The following PDE10A variants were observed in gnomAD, a reference collection of about 807,000 sequenced individuals.
The protein encoded by PDE10A is cAMP and cAMP-inhibited cGMP 3',5'-cyclic phosphodiesterase 10A.
A neutral mutation model predicts 97.7 loss-of-function variants in PDE10A; 39 were observed. The observed-to-expected ratio is 0.40, with a 90% confidence interval of 0.31 to 0.52. The LOEUF (loss-of-function observed/expected upper bound fraction) is 0.52, where lower values mean the gene tolerates loss of function less well. PDE10A is among the 20% of genes least tolerant of loss of function. PDE10A has a pLI of 0.56. For synonymous variants in PDE10A, 371 were observed against 376.8 expected (o/e 0.98, Z 0.18); for missense variants, 731 against 1,047.8 (o/e 0.70, Z 4.17).
chr6:165,943,175 AAAAGAAAG>A (rs1210872117), intron 1 of PDE10A, among the ~76,000 whole-genome samples: 1,158 of 68,308 alleles, frequency 0.017, 55 homozygotes, highest in East Asian at 0.038. Context: ...AAAGAAAGAA[AAAAGAAAG>A]AAAGAAAGAA....
intron 2 of PDE10A, among the ~76,000 whole-genome samples, chr6:165,488,686 T>G (rs1218966477): frequency 2.0e-5 from 3 of 152,084 alleles, no homozygotes; most frequent in African/African-American, 7.2e-5. Flanking sequence ...TGGAGGCTTG[T>G]ACCCTGGGGC....
chr6:165,647,018 C>T (rs1789431012), intron 1 of PDE10A, among the ~76,000 whole-genome samples: 2 of 152,180 alleles, frequency 1.3e-5, no homozygotes, highest in South Asian at 4.1e-4. Context: ...TGACACACAG[C>T]ACTCTCAAAA....
At chr6:165,482,977 G>A (rs1779692726) in intron 2 of PDE10A, among the ~76,000 whole-genome samples, 1 of 152,200 alleles carries the variant, frequency 6.6e-6, no homozygotes, top group South Asian at 2.1e-4. Flanking sequence ...TCCCACTGGG[G>A]CTGGCTACAG....
chr6:165,601,200 G>A, intron 1 of PDE10A, among the ~76,000 whole-genome samples: 1 of 152,182 alleles, frequency 6.6e-6, no homozygotes, highest in Non-Finnish European at 1.5e-5. Context: ...CACCATGTAA[G>A]AAGTGTCTTT....
At chr6:165,607,384 A>AAG (rs1787263166) in intron 1 of PDE10A, among the ~76,000 whole-genome samples, 1 of 152,244 alleles carries the variant, frequency 6.6e-6, no homozygotes, top group Non-Finnish European at 1.5e-5. Flanking sequence ...CTAATGGTAT[A>AAG]GCACAACACA....
intron 1 of PDE10A, among the ~76,000 whole-genome samples, chr6:165,708,461 A>G (rs770906833): frequency 6.6e-6 from 1 of 151,826 alleles, no homozygotes; most frequent in Non-Finnish European, 1.5e-5. Context: ...AGAACCCTGC[A>G]TTTCATGTCC....
At chr6:165,959,799 G>A (rs779103045) in intron 1 of PDE10A, among the ~76,000 whole-genome samples, 1 of 152,014 alleles carries the variant, frequency 6.6e-6, no homozygotes, top group Non-Finnish European at 1.5e-5. Flanking sequence ...GAGAGATCTC[G>A]CCTGGGGAGG....
At chr6:165,338,070 G>A (rs532263309) in intron 20 of PDE10A, among the ~76,000 whole-genome samples, 31 of 152,242 alleles carry the variant, frequency 2.0e-4, no homozygotes, top group African/African-American at 5.3e-4. Context: ...GGTAAAATGC[G>A]ACAAAAACTT....
rs139708400 is a variant in PDE10A, at chr6:165,721,594, G to A, written c.-614-178026C>T. ...AATGAAAAGGCAATTGAATCCAGAT[G>A]CTTTTTCTGGTAAACAGTTCCTTTG... On this transcript the variant is annotated intron_variant, in intron 1 of 19. Coordinates refer to the PDE10A transcript ENST00000366882. Among the ~76,000 whole-genome samples the A allele has an allele frequency of 1.7e-3, 257 of 152,292 alleles. 1 individual carries two copies. Among genetic ancestry groups the A allele is most frequent in the African/African-American group, 5.9e-3 (246 of 41,560 alleles).
chr6:165,376,448 T>G (rs1784607166), intron 18 of PDE10A, among the ~76,000 whole-genome samples: 2 of 152,244 alleles, frequency 1.3e-5, no homozygotes, highest in South Asian at 4.1e-4. Flanking sequence ...GAATATTCCA[T>G]AAACTTGTTT....
At chr6:165,454,720 T>A (rs1200234507) in intron 3 of PDE10A, among the ~76,000 whole-genome samples, 1 of 152,194 alleles carries the variant, frequency 6.6e-6, no homozygotes, top group East Asian at 1.9e-4. Context: ...TTTATTTTAT[T>A]TATAAATTTC....
chr6:165,952,793 C>T (rs1298735177), intron 1 of PDE10A, among the ~76,000 whole-genome samples: 2 of 152,014 alleles, frequency 1.3e-5, no homozygotes, highest in Non-Finnish European at 2.9e-5. Context: ...ACACTGGGCT[C>T]CATCCACTTT....
At chr6:165,395,064 T>C (rs1286819484) in intron 15 of PDE10A, 117 bp downstream of exon 15, 3 of 602,028 alleles carry the variant, frequency 5.0e-6, no homozygotes, top group South Asian at 2.3e-5. Context: ...AAGTAATTTA[T>C]ACATGCAGTA....
At chr6:165,514,697 T>A (rs1781692046) in intron 2 of PDE10A, among the ~76,000 whole-genome samples, 1 of 152,172 alleles carries the variant, frequency 6.6e-6, no homozygotes, top group Non-Finnish European at 1.5e-5. Context: ...TGACTCCAAG[T>A]TGAGTGAGTC....
intron 1 of PDE10A, among the ~76,000 whole-genome samples, chr6:165,552,678 T>G (rs1244034041): frequency 6.6e-6 from 1 of 152,162 alleles, no homozygotes; most frequent in African/African-American, 2.4e-5. Context: ...TTTCACCCAG[T>G]GCACCTCTTC....
chr6:165,578,521 CA>C (rs1422938106), intron 1 of PDE10A, among the ~76,000 whole-genome samples: 1 of 152,094 alleles, frequency 6.6e-6, no homozygotes, highest in Non-Finnish European at 1.5e-5. Flanking sequence ...AGATGAAAAA[CA>C]GAGTATGGAA....
intron 1 of PDE10A, among the ~76,000 whole-genome samples, chr6:165,575,658 A>G (rs1201540218): frequency 6.6e-6 from 1 of 152,230 alleles, no homozygotes; most frequent in African/African-American, 2.4e-5. Flanking sequence ...TGGTAAACCC[A>G]TCACACCTTC....
intron 1 of PDE10A, among the ~76,000 whole-genome samples, chr6:165,567,584 G>A (rs907302631): frequency 2.0e-5 from 3 of 152,090 alleles, no homozygotes; most frequent in African/African-American, 7.2e-5. Context: ...CTTCTACTAT[G>A]AAACCCATTC....
intron 2 of PDE10A, among the ~76,000 whole-genome samples, chr6:165,536,337 G>C (rs1475534603): frequency 6.6e-6 from 1 of 151,824 alleles, no homozygotes; most frequent in Non-Finnish European, 1.5e-5. Flanking sequence ...TTAAACATAA[G>C]ACCTAAAACT....
Sources: gnomAD v4.1 joint callset for allele counts (sites outside exome capture counted in the v4.1 genomes callset) on GRCh38, gnomAD v4.1.1 for gene constraint, MANE v1.5 for transcripts, NCBI Gene and HGNC (gene_info 2026-07-23, HGNC 2026-07-21) for gene names.